The following GLI3 variants were observed in gnomAD, a reference collection of about 807,000 sequenced individuals.
The protein encoded by GLI3 is transcription activator GLI3.
A neutral mutation model predicts 100.8 loss-of-function variants in GLI3; 20 were observed. That is an observed-to-expected ratio of 0.20 (90% CI 0.14 to 0.29). The LOEUF is 0.29. Among genes scored for constraint, GLI3 ranks in the 10% least tolerant of loss-of-function variants. GLI3 has a pLI of 1.00. For synonymous variants in GLI3, 938 were observed against 860.5 expected (o/e 1.09, Z -1.58); for missense variants, 2,040 against 2,128.5 (o/e 0.96, Z 0.82).
At chr7:42,115,184 G>A (rs1457924278) in intron 3 of GLI3, among the ~76,000 whole-genome samples, 1 of 139,078 alleles carries the variant, frequency 7.2e-6, no homozygotes, top group Non-Finnish European at 1.5e-5. Context: ...TGTCTCCCAG[G>A]TTGGAGTGCA....
intron 10 of GLI3, among the ~76,000 whole-genome samples, chr7:41,982,528 C>T (rs1210119670): frequency 6.6e-6 from 1 of 151,782 alleles, no homozygotes; most frequent in Admixed American, 6.6e-5. Flanking sequence ...CTGAGCAACA[C>T]AGCGAGACCC....
chr7:42,066,223 G>A (rs1381364203), intron 4 of GLI3, among the ~76,000 whole-genome samples: 1 of 152,120 alleles, frequency 6.6e-6, no homozygotes, highest in East Asian at 1.9e-4. Context: ...ACTTCAGTGG[G>A]TGCCTAGGAC....
chr7:41,977,505 G>C (rs577011756), intron 12 of GLI3, 53 bp downstream of exon 12: 14 of 1,578,246 alleles, frequency 8.9e-6, no homozygotes, highest in South Asian at 1.1e-5. Flanking sequence ...TGCCTTCCCC[G>C]GGATAGTTCT....
intron 10 of GLI3, among the ~76,000 whole-genome samples, chr7:42,019,785 C>T (rs1788883645): frequency 1.3e-5 from 2 of 152,052 alleles, no homozygotes; most frequent in Admixed American, 6.6e-5. Flanking sequence ...ATAATAAATT[C>T]AGTCTTCAAT....
chr7:42,131,457 G>A (rs1178092019), intron 3 of GLI3, among the ~76,000 whole-genome samples: 4 of 152,190 alleles, frequency 2.6e-5, no homozygotes, highest in Non-Finnish European at 5.9e-5. Flanking sequence ...CATCGCCATT[G>A]GGTGATTTAA....
chr7:42,210,338 G>GT lies in GLI3; in HGVS notation c.124+12791_124+12792insA, dbSNP rs1491282197. ...CCCTCACTTCTATTCAAAAATGAAA[G>GT]CCCCCCCCCCCCCCCCAAGTTAAAA... On this transcript the variant is annotated intron_variant, in intron 2 of 14. Coordinates refer to ENST00000395925, the MANE Select transcript of GLI3 (RefSeq NM_000168.6). 6.4e-4 allele frequency among the ~76,000 whole-genome samples: 65 copies of GT among 100,966 alleles called. 1 individual carries two copies. Among genetic ancestry groups the GT allele is most frequent in the African/African-American group, 2.9e-3 (61 of 21,342 alleles). 66.2% of individuals were successfully genotyped at this position (100,966 alleles called of 152,430 possible). A position where few individuals can be genotyped will look rare whatever the true frequency, so the allele number is the denominator to read the frequency against.
chr7:42,200,426 T>C (rs1414940772), intron 2 of GLI3, among the ~76,000 whole-genome samples: 1 of 152,134 alleles, frequency 6.6e-6, no homozygotes, highest in Non-Finnish European at 1.5e-5. Context: ...TTGTAAGTAC[T>C]TGCGGAAGAA....
At position 41,962,810 on chromosome 7, in the gene GLI3, A is replaced by G. The variant is rs1026094261; in HGVS notation, c.*1520T>C. On this transcript the variant is annotated 3_prime_UTR_variant, in exon 15 of 15. Transcript: ENST00000395925. ...AATTGAATTATCAATCACTTGCAGTAAATCCAATTCCAGGGGTCAATGGGA... is the reference window on the plus strand; with the variant it reads ...AATTGAATTATCAATCACTTGCAGTGAATCCAATTCCAGGGGTCAATGGGA... 1 of 152,246 alleles carries G rather than the reference A, an allele frequency of 6.6e-6. No individual in the cohort carries two copies. The highest frequency in any genetic ancestry group is 6.5e-5 in the Admixed American group (1 of 15,284). The allele number at this position is 152,246 out of a possible 1,614,324, so 9.4% of individuals were successfully genotyped here. A position where few individuals can be genotyped will look rare whatever the true frequency, so the allele number is the denominator to read the frequency against.
chr7:42,000,907 T>A (rs1475238694), intron 10 of GLI3, among the ~76,000 whole-genome samples: 1 of 152,084 alleles, frequency 6.6e-6, no homozygotes, highest in Non-Finnish European at 1.5e-5. Context: ...GAACTTCACG[T>A]ATAAGACCTA....
chr7:41,977,763 C>T, intron 11 of GLI3, 41 bp from the exon 12 acceptor site: 1 of 1,579,742 alleles, frequency 6.3e-7, no homozygotes. Context: ...TGCACAATGG[C>T]AACAGCAGCT....
intron 3 of GLI3, among the ~76,000 whole-genome samples, chr7:42,112,383 T>C (rs1785733486): frequency 6.6e-6 from 1 of 152,130 alleles, no homozygotes; most frequent in South Asian, 2.1e-4. Flanking sequence ...CACAGCTAGA[T>C]AGAATGAATA....
At chr7:42,170,022 C>T (rs2128675774) in intron 2 of GLI3, among the ~76,000 whole-genome samples, 1 of 151,490 alleles carries the variant, frequency 6.6e-6, no homozygotes, top group East Asian at 2.0e-4. Context: ...CTTTGGGAGG[C>T]CAAGGCAGGC....
chr7:42,102,396 G>T (rs1294212829), intron 3 of GLI3, among the ~76,000 whole-genome samples: 1 of 152,220 alleles, frequency 6.6e-6, no homozygotes, highest in Admixed American at 6.5e-5. Flanking sequence ...TTCCCCCAGG[G>T]AGACTCTCAC....
intron 6 of GLI3, among the ~76,000 whole-genome samples, chr7:42,041,688 G>A (rs1486784930): frequency 1.3e-5 from 2 of 151,742 alleles, no homozygotes; most frequent in African/African-American, 4.8e-5. Flanking sequence ...AAAATTCTTT[G>A]GGAATATTTT....
At chr7:42,227,124 G>A (rs540586290) in intron 1 of GLI3, among the ~76,000 whole-genome samples, 35 of 152,284 alleles carry the variant, frequency 2.3e-4, no homozygotes, top group African/African-American at 7.7e-4. Flanking sequence ...AGGAAAACAT[G>A]CCACTGTTTT....
In GLI3 at chr7:41,962,492, G is replaced by A. The variant is rs562743623; in HGVS notation, c.*1838C>T. On this transcript the variant is annotated 3_prime_UTR_variant, in exon 15 of 15. Transcript: ENST00000395925. ...GGGCTGTTCCAAAGGAGACACATCC[G>A]TTAATTTCAAAGAAGACTTACATGG... 90 of 152,298 alleles carry A rather than the reference G, an allele frequency of 5.9e-4. No homozygotes were observed. Among genetic ancestry groups the A allele is most frequent in the African/African-American group, 1.9e-3 (77 of 41,568 alleles). 9.4% of individuals were successfully genotyped at this position (152,298 alleles called of 1,614,324 possible). A position where few individuals can be genotyped will look rare whatever the true frequency, so the allele number is the denominator to read the frequency against.
At position 42,257,202 on chromosome 7, in the gene GLI3, C is replaced by T. The variant is rs548499925; in HGVS notation, c.-43+6792G>A. Among the ~76,000 whole-genome samples, 20 of 152,156 alleles carry T rather than the reference C, an allele frequency of 1.3e-4. 1 individual carries two copies. In the South Asian group the frequency reaches 3.7e-3, roughly 28 times the overall value. On this transcript the variant is annotated intron_variant, in intron 1 of 2. Transcript: ENST00000678978. ...ACATACAAAATTATGTCATTTGCAA[C>T]TAAGAGAGTTTTACTTCTCCAATCT...
chr7:42,079,906 C>T (rs894687603), intron 3 of GLI3, among the ~76,000 whole-genome samples: 8 of 152,114 alleles, frequency 5.3e-5, no homozygotes, highest in African/African-American at 1.7e-4. Flanking sequence ...CATATATCCC[C>T]GAAGTAACAG....
intron 2 of GLI3, among the ~76,000 whole-genome samples, chr7:42,182,973 T>C (rs926975281): frequency 6.6e-6 from 1 of 151,722 alleles, no homozygotes; most frequent in Non-Finnish European, 1.5e-5. Context: ...GTAATCCCAG[T>C]ACTCTGGGAG....
Sources: allele counts gnomAD v4.1 joint callset (sites outside exome capture counted in the v4.1 genomes callset), GRCh38; gene constraint gnomAD v4.1.1; transcripts MANE v1.5; gene names NCBI Gene and HGNC (gene_info 2026-07-23, HGNC 2026-07-21).